The following TMCC3 variants were observed in gnomAD, a reference collection of about 807,000 sequenced individuals.
TMCC3 encodes transmembrane and coiled-coil domain family 3.
In TMCC3, 28 loss-of-function variants were observed where a neutral mutation model predicts 40.2. That is an observed-to-expected ratio of 0.70 (90% CI 0.52 to 0.95). The LOEUF (loss-of-function observed/expected upper bound fraction) is 0.95. TMCC3 is among the 40% of genes least tolerant of loss of function. TMCC3 has a pLI of 0.00. For missense variants in TMCC3, 554 were observed against 615.2 expected, an observed-to-expected ratio of 0.90 and a Z score of 1.05; for synonymous variants, 255 against 248.5, an observed-to-expected ratio of 1.03 and a Z score of -0.25.
intron 1 of TMCC3, among the ~76,000 whole-genome samples, chr12:94,623,405 C>T (rs965092702): frequency 2.0e-5 from 3 of 152,192 alleles, no homozygotes; most frequent in Non-Finnish European, 1.5e-5. Context: ...GCTCAGAAAG[C>T]TTAAGTACTT....
intron 1 of TMCC3, among the ~76,000 whole-genome samples, chr12:94,613,187 G>T (rs984967741): frequency 1.3e-5 from 2 of 152,016 alleles, no homozygotes; most frequent in Non-Finnish European, 2.9e-5. Context: ...AAATGGGCCA[G>T]GCACAATGGC....
Position 94,650,530 on chromosome 12 carries a change from C to A in TMCC3, c.-100G>T, listed in dbSNP as rs1488977231. The A allele has an allele frequency of 2.0e-6, 2 of 976,522 alleles. No homozygotes were observed. Among genetic ancestry groups the A allele is most frequent in the East Asian group, 3.8e-5 (1 of 26,056 alleles). The allele number at this position is 976,522 out of a possible 1,614,324, so 60.5% of individuals were successfully genotyped here. A position where few individuals can be genotyped will look rare whatever the true frequency, so the allele number is the denominator to read the frequency against. On this transcript the variant is annotated 5_prime_UTR_variant, in exon 1 of 4. Coordinates refer to ENST00000261226, the MANE Select transcript of TMCC3 (RefSeq NM_020698.4). ...ACCCTGGGAGCCGCGGGCGAGGGGG[C>A]GGCGCGGCTGCTGCAGCTGTTGCCT...
rs540684724 is a variant in TMCC3 at position 94,625,593 on chromosome 12, CA to C, written c.78+24759del. ...TGGGCAACAGAGCAAGACTCCATCT[CA>C]AAAAAAAAAAAAAAAAAGTAAATGA... is the stretch of plus-strand genomic sequence containing the variant. On this transcript the variant is annotated intron_variant, in intron 1 of 3. Coordinates refer to ENST00000261226, the MANE Select transcript of TMCC3 (RefSeq NM_020698.4). 1.6e-3 allele frequency among the ~76,000 whole-genome samples: 163 copies of C among 105,034 alleles called. 1 individual carries two copies. Among genetic ancestry groups the C allele is most frequent in the East Asian group, 8.5e-3 (28 of 3,296 alleles). 68.9% of individuals were successfully genotyped at this position (105,034 alleles called of 152,430 possible). A position where few individuals can be genotyped will look rare whatever the true frequency, so the allele number is the denominator to read the frequency against.
chr12:94,634,993 G>A (rs765460671), intron 1 of TMCC3, among the ~76,000 whole-genome samples: 1 of 152,112 alleles, frequency 6.6e-6, no homozygotes, highest in Non-Finnish European at 1.5e-5. Flanking sequence ...TTAGTTTCTG[G>A]GCACAGCCCA....
At chr12:94,644,377 C>A in intron 1 of TMCC3, 1 of 985,374 alleles carries the variant, frequency 1.0e-6, no homozygotes, top group Non-Finnish European at 1.2e-6. Flanking sequence ...CCAAGTAGGA[C>A]TAGGTTGATT....
intron 1 of TMCC3, among the ~76,000 whole-genome samples, chr12:94,586,791 G>T (rs2068640941): frequency 6.6e-6 from 1 of 152,214 alleles, no homozygotes; most frequent in Non-Finnish European, 1.5e-5. Context: ...ATGGCCAAAT[G>T]ACTTTTGGCT....
intron 3 of TMCC3, among the ~76,000 whole-genome samples, chr12:94,575,762 C>A (rs534543983): frequency 2.8e-4 from 42 of 152,238 alleles, no homozygotes; most frequent in African/African-American, 1.0e-3. Context: ...TAAAATAGAA[C>A]GACTTCGTGA....
intron 1 of TMCC3, among the ~76,000 whole-genome samples, chr12:94,585,011 A>AACTT (rs2068629757): frequency 6.6e-6 from 1 of 152,154 alleles, no homozygotes; most frequent in East Asian, 1.9e-4. Context: ...GAATGCATGA[A>AACTT]ACTTAGAAAA....
At chr12:94,618,900 A>G (rs1467258305) in intron 1 of TMCC3, among the ~76,000 whole-genome samples, 3 of 152,160 alleles carry the variant, frequency 2.0e-5, no homozygotes, top group South Asian at 2.1e-4. Context: ...TCGTGTCTAC[A>G]AGATGCTCTC....
chr12:94,611,900 T>G (rs2068818596), intron 1 of TMCC3, among the ~76,000 whole-genome samples: 4 of 152,218 alleles, frequency 2.6e-5, no homozygotes, highest in Admixed American at 2.6e-4. Context: ...TATCCATTCA[T>G]GGCAACTGAA....
At chr12:94,584,012 CT>C (rs113791789) in intron 1 of TMCC3, among the ~76,000 whole-genome samples, 38 of 151,102 alleles carry the variant, frequency 2.5e-4, no homozygotes, top group African/African-American at 8.0e-4. Flanking sequence ...AGCATGTTAC[CT>C]TTTTTTTTAA....
At chr12:94,635,373 G>A (rs1156662431) in intron 1 of TMCC3, among the ~76,000 whole-genome samples, 1 of 152,160 alleles carries the variant, frequency 6.6e-6, no homozygotes, top group East Asian at 1.9e-4. Context: ...CTCCCGAGCT[G>A]CGAGCTGCGA....
chr12:94,602,659 G>A (rs946529591), intron 1 of TMCC3, among the ~76,000 whole-genome samples: 3 of 152,142 alleles, frequency 2.0e-5, no homozygotes, highest in African/African-American at 7.2e-5. Context: ...GTCTTGCTCT[G>A]TTGCCCAGGC....
intron 1 of TMCC3, among the ~76,000 whole-genome samples, chr12:94,622,364 A>G (rs2138869290): frequency 6.6e-6 from 1 of 151,438 alleles, no homozygotes; most frequent in South Asian, 2.1e-4. Context: ...AATCAGTTCC[A>G]CAAAGAATAT....
At chr12:94,588,634 C>G (rs1336178934) in intron 1 of TMCC3, among the ~76,000 whole-genome samples, 2 of 152,272 alleles carry the variant, frequency 1.3e-5, no homozygotes, top group Non-Finnish European at 2.9e-5. Flanking sequence ...ACGTTCAATA[C>G]CTGAAGGCTT....
intron 1 of TMCC3, among the ~76,000 whole-genome samples, chr12:94,624,132 T>G (rs1318281712): frequency 6.6e-6 from 1 of 152,122 alleles, no homozygotes; most frequent in Non-Finnish European, 1.5e-5. Flanking sequence ...CAGATAATAA[T>G]AAGCACTGGT....
chr12:94,585,202 A>G (rs1024377755), intron 1 of TMCC3, among the ~76,000 whole-genome samples: 20 of 152,320 alleles, frequency 1.3e-4, no homozygotes, highest in African/African-American at 4.6e-4. Flanking sequence ...TTTAGCAGGC[A>G]TTAGGAAGGA....
At chr12:94,574,111 A>G in intron 3 of TMCC3, among the ~76,000 whole-genome samples, 1 of 152,196 alleles carries the variant, frequency 6.6e-6, no homozygotes, top group East Asian at 1.9e-4. Context: ...TGATGGGTAC[A>G]GTGGCGCATG....
intron 1 of TMCC3, among the ~76,000 whole-genome samples, chr12:94,649,866 C>CCCGCGCTCCGGCTGCGCA (rs2069043824): frequency 6.6e-6 from 1 of 152,198 alleles, no homozygotes; most frequent in Non-Finnish European, 1.5e-5. Context: ...CCGCCGCCTC[C>CCCGCGCTCCGGCTGCGCA]CCGCGCTCCG....
Sources: gnomAD v4.1 joint callset for allele counts (sites outside exome capture counted in the v4.1 genomes callset) on GRCh38, gnomAD v4.1.1 for gene constraint, MANE v1.5 for transcripts, NCBI Gene and HGNC (gene_info 2026-07-23, HGNC 2026-07-21) for gene names.